Variants in CYRIA observed in about 807,000 individuals in gnomAD.
The protein encoded by CYRIA is CYFIP related Rac1 interactor A.
Under a neutral mutation model 43.9 loss-of-function variants are expected in CYRIA, and 15 were observed. That is an observed-to-expected ratio of 0.34 (90% CI 0.23 to 0.53). CYRIA has a LOEUF of 0.53. CYRIA is among the 20% of genes least tolerant of loss of function. CYRIA has a pLI of 0.94. For missense variants in CYRIA, 236 were observed against 394.2 expected (o/e 0.60, Z 3.40); for synonymous variants, 117 against 136.0 (o/e 0.86, Z 0.97).
intron 2 of CYRIA, among the ~76,000 whole-genome samples, chr2:16,610,202 C>T (rs1020439738): frequency 6.6e-6 from 1 of 152,174 alleles, no homozygotes; most frequent in Non-Finnish European, 1.5e-5. Flanking sequence ...GTGCTACTAC[C>T]ATCTCCCTTT....
At chr2:16,585,132 A>C (rs1558414071) in intron 3 of CYRIA, among the ~76,000 whole-genome samples, 1 of 152,134 alleles carries the variant, frequency 6.6e-6, no homozygotes, top group African/African-American at 2.4e-5. Context: ...CAGAGACTCA[A>C]GGAGAAATCA....
intron 5 of CYRIA, 149 bp downstream of exon 5, chr2:16,563,840 C>A: frequency 1.7e-6 from 1 of 591,440 alleles, no homozygotes; most frequent in South Asian, 2.2e-5. Flanking sequence ...ATGAAAATGA[C>A]AAGAGTTGTT....
intron 2 of CYRIA, among the ~76,000 whole-genome samples, chr2:16,619,627 A>C (rs1668930477): frequency 6.6e-6 from 1 of 152,176 alleles, no homozygotes. Context: ...CCCTTACCCT[A>C]TTCTGCTCAC....
intron 7 of CYRIA, 60 bp from the exon 8 acceptor site, chr2:16,561,337 C>A: frequency 6.7e-7 from 1 of 1,492,638 alleles, no homozygotes; most frequent in South Asian, 1.1e-5. Context: ...CCTCCAAATA[C>A]TTTTCTCTGG....
At chr2:16,585,878 T>C (rs1572481869) in intron 3 of CYRIA, among the ~76,000 whole-genome samples, 1 of 152,248 alleles carries the variant, frequency 6.6e-6, no homozygotes. Flanking sequence ...CTCAGGAGAA[T>C]ACCAGTTGAA....
intron 3 of CYRIA, among the ~76,000 whole-genome samples, chr2:16,573,332 G>A (rs1363820874): frequency 6.6e-6 from 1 of 152,180 alleles, no homozygotes; most frequent in Admixed American, 6.5e-5. Flanking sequence ...CAGACAGTTG[G>A]TGATTAACCA....
intron 1 of CYRIA, among the ~76,000 whole-genome samples, chr2:16,631,122 C>G (rs990641417): frequency 6.6e-6 from 1 of 152,224 alleles, no homozygotes; most frequent in Admixed American, 6.5e-5. Flanking sequence ...AAATGCAGAT[C>G]ATATGGAGAT....
intron 2 of CYRIA, among the ~76,000 whole-genome samples, chr2:16,591,385 G>T (rs1667924779): frequency 6.6e-6 from 1 of 152,116 alleles, no homozygotes; most frequent in Admixed American, 6.5e-5. Flanking sequence ...AATATTTGGT[G>T]TTCAGAAAAT....
chr2:16,641,413 T>C (rs1241947691), intron 1 of CYRIA, among the ~76,000 whole-genome samples: 2 of 152,136 alleles, frequency 1.3e-5, no homozygotes, highest in African/African-American at 2.4e-5. Context: ...TTCTTCTTTC[T>C]CCTCCATTTG....
chr2:16,585,149 C>T (rs370091245), intron 3 of CYRIA, among the ~76,000 whole-genome samples: 9 of 152,136 alleles, frequency 5.9e-5, no homozygotes, highest in African/African-American at 1.7e-4. Flanking sequence ...ATCACGATAG[C>T]AGCCCACCTT....
chr2:16,643,566 T>C (rs1173635981), intron 1 of CYRIA, among the ~76,000 whole-genome samples: 1 of 152,242 alleles, frequency 6.6e-6, no homozygotes, highest in African/African-American at 2.4e-5. Context: ...AGTTGGTTAA[T>C]AATTGTGTAC....
intron 6 of CYRIA, among the ~76,000 whole-genome samples, chr2:16,561,791 T>C (rs957644886): frequency 6.6e-6 from 1 of 152,178 alleles, no homozygotes; most frequent in Non-Finnish European, 1.5e-5. Flanking sequence ...CTGATTTCAT[T>C]TGGCAGATTT....
At chr2:16,609,908 C>A (rs1049600544) in intron 2 of CYRIA, among the ~76,000 whole-genome samples, 1 of 152,292 alleles carries the variant, frequency 6.6e-6, no homozygotes, top group Admixed American at 6.5e-5. Flanking sequence ...GGTTTCCAGG[C>A]CTCTGAGTGT....
chr2:16,649,557 TAA>T (rs1669912365), intron 1 of CYRIA, among the ~76,000 whole-genome samples: 1 of 150,648 alleles, frequency 6.6e-6, no homozygotes. Context: ...GTTAGTTGTG[TAA>T]TACAGGGCAT....
At chr2:16,637,618 A>T (rs962256760) in intron 1 of CYRIA, among the ~76,000 whole-genome samples, 2 of 152,230 alleles carry the variant, frequency 1.3e-5, no homozygotes, top group African/African-American at 4.8e-5. Flanking sequence ...GACTAAGCCA[A>T]TGACTTCTTC....
intron 1 of CYRIA, among the ~76,000 whole-genome samples, chr2:16,659,138 A>G (rs557244287): frequency 6.6e-6 from 1 of 152,316 alleles, no homozygotes; most frequent in East Asian, 1.9e-4. Context: ...GTTCTAAGGT[A>G]TGGAGGCTCC....
At chr2:16,628,215 A>T (rs188478134) in intron 1 of CYRIA, among the ~76,000 whole-genome samples, 93 of 152,370 alleles carry the variant, frequency 6.1e-4, no homozygotes, top group Admixed American at 2.2e-3. Flanking sequence ...GTCAGGAAAT[A>T]TTCTAGATGT....
intron 2 of CYRIA, among the ~76,000 whole-genome samples, chr2:16,590,676 T>A (rs1667901058): frequency 6.6e-6 from 1 of 152,156 alleles, no homozygotes; most frequent in African/African-American, 2.4e-5. Flanking sequence ...TTGGCTGATA[T>A]CATCAGATAT....
At position 16,565,752 on chromosome 2, in the gene CYRIA, T is replaced by C. The variant is rs1666906426; in HGVS notation, c.86A>G (p.Glu29Gly). Residue 29 changes from glutamate (E) to glycine (G), a missense_variant, in exon 4 of 12, where the codon GAA (glutamate) becomes GGA (glycine). Coordinates refer to ENST00000381323, the MANE Select transcript of CYRIA (RefSeq NM_030797.4). ...FLDFENAQPT[E>G]GEREIWNQIS... ...CTGGTTCCAGATTTCTCTCTCTCCTTCTGTAGGCTGAGCATCTAAGAAACA... is the reference window on the plus strand; with the variant it reads ...CTGGTTCCAGATTTCTCTCTCTCCTCCTGTAGGCTGAGCATCTAAGAAACA... 1.3e-6 allele frequency: 2 copies of C among 1,576,762 alleles called. No individual in the cohort carries two copies. Among genetic ancestry groups the C allele is most frequent in the African/African-American group, 1.3e-5 (1 of 74,274 alleles).
Sources: gnomAD v4.1 joint callset for allele counts (sites outside exome capture counted in the v4.1 genomes callset) on GRCh38, gnomAD v4.1.1 for gene constraint, MANE v1.5 for transcripts, NCBI Gene and HGNC (gene_info 2026-07-23, HGNC 2026-07-21) for gene names.